Variants in ADGRL1 observed in about 807,000 individuals in gnomAD.
The protein encoded by ADGRL1 is adhesion G protein-coupled receptor L1.
A neutral mutation model predicts 148.9 loss-of-function variants in ADGRL1; 31 were observed. That is an observed-to-expected ratio of 0.21 (90% CI 0.16 to 0.28). The LOEUF (loss-of-function observed/expected upper bound fraction) is 0.28. Ranked by LOEUF, ADGRL1 falls within the 10% of genes least tolerant of loss-of-function variation. The probability of loss-of-function intolerance (pLI) is 1.00; values close to 1 mark genes in which losing one functional copy is unlikely to be tolerated. For synonymous variants in ADGRL1, 937 were observed against 900.3 expected, an observed-to-expected ratio of 1.04 and a Z score of -0.73; for missense variants, 1,521 against 2,058.8, an observed-to-expected ratio of 0.74 and a Z score of 5.05.
chr19:14,170,841 C>T (rs374265906), intron 3 of ADGRL1, 50 bp from the exon 4 acceptor site: 23 of 300,594 alleles, frequency 7.7e-5, no homozygotes, highest in African/African-American at 4.5e-4. Context: ...GACGGGGTGG[C>T]GGGGGTGGGG....
intron 4 of ADGRL1, chr19:14,164,600 C>G (rs1969771638): frequency 6.6e-6 from 1 of 152,182 alleles, no homozygotes; most frequent in Non-Finnish European, 1.5e-5. Context: ...CCCACCTCCC[C>G]TGGCCCGGAC....
Position 14,162,497 on chromosome 19 carries a change from T to C in ADGRL1, c.1195+109A>G. 1 of 938,348 alleles carries C rather than the reference T, an allele frequency of 1.1e-6. No homozygotes were observed. The highest frequency in any genetic ancestry group is 1.6e-5 in the South Asian group (1 of 63,356). The allele number at this position is 938,348 out of a possible 1,614,324, so 58.1% of individuals were successfully genotyped here. The stretch of plus-strand genomic sequence containing the variant: ...GCTGTGAATTTCCTTTACCTCCCGA[T>C]CCCCAAGAGCTCACAGGATGGGGCT... On this transcript the variant is annotated intron_variant, in intron 5 of 22. Transcript: ENST00000361434. The surrounding 1 kb of genome is among the most constrained non-coding windows in gnomAD (Gnocchi z 5.4).
chr19:14,163,632 C>T (rs1034910096), intron 4 of ADGRL1, among the ~76,000 whole-genome samples: 9 of 152,070 alleles, frequency 5.9e-5, no homozygotes, highest in East Asian at 3.9e-4. Context: ...CCCCTCCCCA[C>T]GCCCTGCCCA....
chr19:14,152,149 C>T lies in ADGRL1; in HGVS notation c.3651G>A (p.Gly1217=), dbSNP rs375576386. 1 of 1,613,994 alleles carries T rather than the reference C, an allele frequency of 6.2e-7. No individual in the cohort carries two copies. The highest frequency in any genetic ancestry group is 8.5e-7 in the Non-Finnish European group (1 of 1,180,002). ...CACACTTACTGGGTTCCCGGTAGCT[C>T]CCTGCAGGTGGCAGCCAGAAGAGAG... ...PSSPPVFNSP[G]SYREPKHPLG... Residue 1217 remains glycine (G), a splice_region_variant and synonymous_variant, in exon 22 of 23, where the codon GGG becomes GGA. Transcript: ENST00000361434. This position sits in a 1 kb window ranked among gnomAD's most constrained non-coding sequence, Gnocchi z 6.1.
At chr19:14,188,014 G>A (rs1370937042) in intron 1 of ADGRL1, among the ~76,000 whole-genome samples, 2 of 151,910 alleles carry the variant, frequency 1.3e-5, no homozygotes, top group South Asian at 2.1e-4. Context: ...TGGATCACTT[G>A]AGCCCAGGAG....
In ADGRL1 at chr19:14,158,484, C is replaced by T. The variant is rs1318784796; in HGVS notation, c.2218G>A (p.Val740Met). ...GLFLSTENATVKLAGEAGPGG... is the reference protein window; with the variant it reads ...GLFLSTENATMKLAGEAGPGG... ...GGGCCTGCTTCGCCGGCCAGCTTCA[C>T]TGTGGCATTCTCCGTGGACAGGAAG... Residue 740 changes from valine to methionine, a missense_variant, in exon 12 of 23, where the codon GTG (valine) becomes ATG (methionine). Val to Met is a conservative substitution (Grantham distance 21). Transcript: ENST00000361434. The T allele has an allele frequency of 1.1e-5, 17 of 1,614,076 alleles. No homozygotes were observed. The highest frequency in any genetic ancestry group is 1.4e-5 in the Non-Finnish European group (17 of 1,180,026).
chr19:14,158,143 C>T (rs1968959746), intron 12 of ADGRL1, 91 bp from the exon 13 acceptor site: 6 of 1,412,140 alleles, frequency 4.2e-6, no homozygotes, highest in Non-Finnish European at 5.9e-6. Flanking sequence ...GGGATGGTAC[C>T]AAGTATCAAA....
At position 14,150,667 on chromosome 19, in the gene ADGRL1, C is replaced by G; in HGVS notation, c.*206G>C. 1 of 597,520 alleles carries G rather than the reference C, an allele frequency of 1.7e-6. No homozygotes were observed. The highest frequency in any genetic ancestry group is 2.1e-5 in the South Asian group (1 of 47,232). The allele number at this position is 597,520 out of a possible 1,614,324, so 37.0% of individuals were successfully genotyped here. A position where few individuals can be genotyped will look rare whatever the true frequency, so the allele number is the denominator to read the frequency against. ...CCCCAAATAGAGCTGGTGCGTGTGG[C>G]TGGTGGGAAACCCTGTCTGTGAACC... On this transcript the variant is annotated 3_prime_UTR_variant, in exon 23 of 23. Coordinates refer to ENST00000361434, the MANE Select transcript of ADGRL1 (RefSeq NM_014921.5).
intron 1 of ADGRL1, among the ~76,000 whole-genome samples, chr19:14,202,792 T>C (rs1371419861): frequency 6.6e-6 from 1 of 151,864 alleles, no homozygotes; most frequent in African/African-American, 2.4e-5. Context: ...TACTCCTTCT[T>C]GCAGCCCTGC....
At chr19:14,195,514 T>C (rs1014438271) in intron 1 of ADGRL1, among the ~76,000 whole-genome samples, 1 of 151,986 alleles carries the variant, frequency 6.6e-6, no homozygotes, top group African/African-American at 2.4e-5. Context: ...CTGGGCCCCC[T>C]TCATGGTCTC....
At chr19:14,191,877 T>C (rs1306280096) in intron 1 of ADGRL1, among the ~76,000 whole-genome samples, 7 of 152,044 alleles carry the variant, frequency 4.6e-5, no homozygotes, top group African/African-American at 1.4e-4. Context: ...TCGATTTTTT[T>C]TGTAGAGATG....
chr19:14,152,381 T>C lies in ADGRL1; in HGVS notation c.3577A>G (p.Ser1193Gly). The C allele has an allele frequency of 6.2e-7, 1 of 1,601,948 alleles. No homozygotes were observed. Among genetic ancestry groups the C allele is most frequent in the Non-Finnish European group, 8.5e-7 (1 of 1,172,402 alleles). The change falls in exon 21 of 23, where the codon AGT (serine) becomes GGT (glycine). Residue 1193 changes from serine (S) to glycine (G), a missense_variant. Physicochemically the swap from Ser to Gly is moderately conservative, Grantham distance 56. This residue lies in a region of ADGRL1 where 47 missense variants were observed against 64.6 expected (regional missense o/e 0.73). Transcript: ENST00000361434. This position sits in a 1 kb window ranked among gnomAD's most constrained non-coding sequence, Gnocchi z 6.1. ...NPVLQPRGGT[S>G]PYNTLIAESV... is the part of the protein sequence containing the mutation. Reference sequence around the variant, plus strand: ...TCGGCGATGAGGGTGTTGTAGGGACTGGTGCCCCCACGGGGCTGCAGCACG... The same window carrying C: ...TCGGCGATGAGGGTGTTGTAGGGACCGGTGCCCCCACGGGGCTGCAGCACG...
At chr19:14,199,710 T>A (rs1419769289) in intron 1 of ADGRL1, among the ~76,000 whole-genome samples, 1 of 152,132 alleles carries the variant, frequency 6.6e-6, no homozygotes, top group African/African-American at 2.4e-5. Context: ...CGAGCTACTG[T>A]GCCCGGCTGT....
chr19:14,172,693 T>G (rs1413332425), intron 3 of ADGRL1, among the ~76,000 whole-genome samples: 2 of 152,092 alleles, frequency 1.3e-5, no homozygotes, highest in African/African-American at 4.8e-5. Flanking sequence ...TGAGCCGAGA[T>G]CGCACCGCTG....
Position 14,149,511 on chromosome 19 carries a change from G to A in ADGRL1, c.*1362C>T, listed in dbSNP as rs1219134729. ...TCCCCAGAGCAATATACAAGAAGCA[G>A]GAACTCAAAGGGACAGCGCAGCCAT... On this transcript the variant is annotated 3_prime_UTR_variant, in exon 23 of 23. Coordinates refer to ENST00000361434, the MANE Select transcript of ADGRL1 (RefSeq NM_014921.5). The A allele has an allele frequency of 6.5e-6, 1 of 152,790 alleles. No homozygotes were observed. Among genetic ancestry groups the A allele is most frequent in the Non-Finnish European group, 1.5e-5 (1 of 68,174 alleles). 9.5% of individuals were successfully genotyped at this position (152,790 alleles called of 1,614,324 possible). A position where few individuals can be genotyped will look rare whatever the true frequency, so the allele number is the denominator to read the frequency against.
In ADGRL1 at chr19:14,162,572, G is replaced by A. The variant is rs1969507643; in HGVS notation, c.1195+34C>T. 6.4e-7 allele frequency: 1 copy of A among 1,565,266 alleles called. No homozygotes were observed. The highest frequency in any genetic ancestry group is 8.7e-7 in the Non-Finnish European group (1 of 1,150,476). Reference sequence around the variant, plus strand: ...GTGGGGGTGGAGGGGACAAAGGCAAGCAGGCTCCATGCCTGGAAGTGAGTC... The same window carrying A: ...GTGGGGGTGGAGGGGACAAAGGCAAACAGGCTCCATGCCTGGAAGTGAGTC... On this transcript the variant is annotated intron_variant, in intron 5 of 22. Coordinates refer to ENST00000361434, the MANE Select transcript of ADGRL1 (RefSeq NM_014921.5). The surrounding 1 kb of genome is among the most constrained non-coding windows in gnomAD (Gnocchi z 5.4).
intron 1 of ADGRL1, among the ~76,000 whole-genome samples, chr19:14,190,114 G>C (rs1378636908): frequency 2.0e-5 from 3 of 152,070 alleles, no homozygotes; most frequent in Non-Finnish European, 2.9e-5. Flanking sequence ...TTTTAGTAGA[G>C]ATGGAGTCTC....
In ADGRL1 at chr19:14,156,159, G is replaced by C. The variant is rs765071246; in HGVS notation, c.3076C>G (p.Arg1026Gly). The C allele has an allele frequency of 6.2e-7, 1 of 1,612,644 alleles. No homozygotes were observed. The highest frequency in any genetic ancestry group is 8.5e-7 in the Non-Finnish European group (1 of 1,179,678). ...FLMVTLHKMI[R>G]SSSVLKPDSS... ...TCGGGCTTGAGCACAGATGAGCTTCGGATCATCTTGTGCAGGGTCACCATG... is the reference window on the plus strand; with the variant it reads ...TCGGGCTTGAGCACAGATGAGCTTCCGATCATCTTGTGCAGGGTCACCATG... The change falls in exon 17 of 23, where the codon CGA (arginine) becomes GGA (glycine). Residue 1026 changes from arginine (R) to glycine (G), a missense_variant. Arg to Gly is a moderately radical substitution (Grantham distance 125, BLOSUM62 -2). Around this residue, in one of 8 missense-constraint regions of ADGRL1, gnomAD observed 185 missense variants for 251.7 expected, o/e 0.74. Coordinates refer to ENST00000361434, the MANE Select transcript of ADGRL1 (RefSeq NM_014921.5).
At position 14,152,790 on chromosome 19, in the gene ADGRL1, C is replaced by T. The variant is rs1968346429; in HGVS notation, c.3417G>A (p.Gly1139=). 6.2e-7 allele frequency: 1 copy of T among 1,613,938 alleles called. No homozygotes were observed. The highest frequency in any genetic ancestry group is 1.3e-5 in the African/African-American group (1 of 74,914). ...GTCCTGTCTGGCCCGATACCTGGGT[C>T]CCTGTGTAGTAGCGGGTGTTGCTTC... ...AMRSNTRYYT[G]TQSRIRRMWN... Residue 1139 remains glycine, a synonymous_variant, in exon 19 of 23, where the codon GGG becomes GGA. Transcript: ENST00000361434. The surrounding 1 kb of genome is among the most constrained non-coding windows in gnomAD (Gnocchi z 6.1).
Sources: allele counts gnomAD v4.1 joint callset (sites outside exome capture counted in the v4.1 genomes callset), GRCh38; gene constraint gnomAD v4.1.1; regional missense constraint gnomAD v4.1.1; non-coding constraint Gnocchi (gnomAD v3.1); transcripts MANE v1.5; gene names NCBI Gene and HGNC (gene_info 2026-07-23, HGNC 2026-07-21).